The following PDE4D variants were observed in gnomAD, a reference collection of about 807,000 sequenced individuals.
The protein encoded by PDE4D is 3',5'-cyclic-AMP phosphodiesterase 4D.
In PDE4D, 24 loss-of-function variants were observed where a neutral mutation model predicts 87.4. That is an observed-to-expected ratio of 0.27 (90% CI 0.20 to 0.39). The LOEUF (loss-of-function observed/expected upper bound fraction) is 0.39, where lower values mean the gene tolerates loss of function less well. Ranked by LOEUF, PDE4D falls within the 10% of genes least tolerant of loss-of-function variation. The probability of loss-of-function intolerance (pLI) is 1.00; values close to 1 mark genes in which losing one functional copy is unlikely to be tolerated. For synonymous variants in PDE4D, 384 were observed against 383.2 expected, an observed-to-expected ratio of 1.00 and a Z score of -0.02; for missense variants, 714 against 1,041.0, an observed-to-expected ratio of 0.69 and a Z score of 4.32.
chr5:59,076,428 T>C (rs779369262), intron 5 of PDE4D, among the ~76,000 whole-genome samples: 3 of 152,166 alleles, frequency 2.0e-5, no homozygotes, highest in African/African-American at 4.8e-5. Flanking sequence ...TTATACTACG[T>C]GAAGTCTTCA....
Position 59,752,870 on chromosome 5 carries a change from T to C in PDE4D, c.455+140298A>G, listed in dbSNP as rs10073901. The stretch of plus-strand genomic sequence containing the variant: ...GTTGCAGAGATAGGTGCAGAACTGA[T>C]GACAGATGCTTAGATGCCATGTTAA... On this transcript the variant is annotated intron_variant, in intron 1 of 14. Coordinates refer to ENST00000340635, the MANE Select transcript of PDE4D (RefSeq NM_001104631.2). Among the ~76,000 whole-genome samples the C allele has an allele frequency of 4.9e-3, 752 of 152,276 alleles. 11 individuals carry two copies. Among genetic ancestry groups the C allele is most frequent in the African/African-American group, 0.017 (714 of 41,564 alleles).
At chr5:60,501,981 T>C (rs1750100609) in intron 1 of PDE4D, among the ~76,000 whole-genome samples, 1 of 152,200 alleles carries the variant, frequency 6.6e-6, no homozygotes, top group African/African-American at 2.4e-5. Flanking sequence ...TAGTTTCTTT[T>C]GCTGTGCAGA....
intron 1 of PDE4D, among the ~76,000 whole-genome samples, chr5:59,796,269 G>T (rs1766468148): frequency 6.6e-6 from 1 of 152,198 alleles, no homozygotes; most frequent in African/African-American, 2.4e-5. Flanking sequence ...AAACACAAAA[G>T]CCTGTAGAAA....
chr5:59,153,234 C>A (rs565657128), intron 5 of PDE4D, among the ~76,000 whole-genome samples: 1 of 151,968 alleles, frequency 6.6e-6, no homozygotes, highest in Non-Finnish European at 1.5e-5. Flanking sequence ...CCAGTAGCAG[C>A]GGGTGAAAGG....
At chr5:59,170,257 A>G (rs1782552061) in intron 5 of PDE4D, among the ~76,000 whole-genome samples, 1 of 152,144 alleles carries the variant, frequency 6.6e-6, no homozygotes, top group Admixed American at 6.5e-5. Flanking sequence ...GCCTCAAGCC[A>G]TCTTCCTCCC....
At chr5:60,078,317 A>G (rs374333038) in intron 2 of PDE4D, among the ~76,000 whole-genome samples, 3 of 152,284 alleles carry the variant, frequency 2.0e-5, no homozygotes, top group Non-Finnish European at 2.9e-5. Flanking sequence ...ATTTATCACT[A>G]TGAAATTCCC....
intron 1 of PDE4D, among the ~76,000 whole-genome samples, chr5:60,505,930 T>C (rs1157092906): frequency 6.6e-6 from 1 of 152,228 alleles, no homozygotes; most frequent in Non-Finnish European, 1.5e-5. Flanking sequence ...ATGCTGCCTG[T>C]CTCTAGCCCA....
intron 1 of PDE4D, among the ~76,000 whole-genome samples, chr5:59,509,439 G>T (rs1479380188): frequency 6.8e-6 from 1 of 147,390 alleles, no homozygotes; most frequent in Admixed American, 6.7e-5. Flanking sequence ...AAAAAAAAAT[G>T]CTGAGCAAAG....
chr5:59,127,019 C>T (rs1230759667), intron 5 of PDE4D, among the ~76,000 whole-genome samples: 2 of 152,172 alleles, frequency 1.3e-5, no homozygotes, highest in East Asian at 3.9e-4. Flanking sequence ...TCGTAACCTC[C>T]AAGACATTTT....
chr5:60,440,085 T>C (rs1745081684), intron 1 of PDE4D, among the ~76,000 whole-genome samples: 1 of 152,122 alleles, frequency 6.6e-6, no homozygotes, highest in South Asian at 2.1e-4. Context: ...TGCCAAGCTC[T>C]TTCCTACTTC....
At chr5:59,752,804 C>T (rs1456453860) in intron 1 of PDE4D, among the ~76,000 whole-genome samples, 4 of 152,024 alleles carry the variant, frequency 2.6e-5, no homozygotes, top group Admixed American at 6.6e-5. Flanking sequence ...GGCTTCAAAA[C>T]GAAGGATGTG....
intron 2 of PDE4D, among the ~76,000 whole-genome samples, chr5:59,200,087 G>GGA (rs1561688638): frequency 1.3e-5 from 2 of 149,808 alleles, no homozygotes; most frequent in Non-Finnish European, 1.5e-5. Context: ...ACACATACAT[G>GGA]TATGTAGACA....
chr5:59,312,458 C>T (rs1772885844), intron 1 of PDE4D, among the ~76,000 whole-genome samples: 1 of 152,142 alleles, frequency 6.6e-6, no homozygotes, highest in African/African-American at 2.4e-5. Context: ...GGGCCAGGAA[C>T]CATAGGCTCT....
intron 1 of PDE4D, among the ~76,000 whole-genome samples, chr5:59,798,495 C>A (rs542686029): frequency 2.6e-5 from 4 of 151,946 alleles, no homozygotes; most frequent in Admixed American, 1.3e-4. Flanking sequence ...GCAGGAGAGA[C>A]GTAAAGCACT....
chr5:60,197,275 G>T (rs1355144985), intron 1 of PDE4D, among the ~76,000 whole-genome samples: 3 of 151,430 alleles, frequency 2.0e-5, no homozygotes, highest in African/African-American at 7.3e-5. Flanking sequence ...TATTATCTCT[G>T]GGTAATTATG....
chr5:60,273,259 A>G (rs1186121857), intron 1 of PDE4D, among the ~76,000 whole-genome samples: 1 of 152,248 alleles, frequency 6.6e-6, no homozygotes, highest in African/African-American at 2.4e-5. Context: ...GCAAATAAAA[A>G]AAGAATAAGA....
intron 1 of PDE4D, among the ~76,000 whole-genome samples, chr5:60,361,854 A>C (rs1760106207): frequency 1.3e-5 from 2 of 152,200 alleles, no homozygotes; most frequent in South Asian, 4.2e-4. Flanking sequence ...TCACAGTCGC[A>C]CATCTTAGTC....
chr5:59,153,100 C>A (rs1233861785), intron 5 of PDE4D, among the ~76,000 whole-genome samples: 3 of 152,092 alleles, frequency 2.0e-5, no homozygotes, highest in African/African-American at 7.2e-5. Context: ...CCCCCACCAC[C>A]TCTCTCGACA....
rs189734804 is a variant in PDE4D, at chr5:60,461,346, G to A, written c.-90+26596C>T. 4.5e-3 allele frequency among the ~76,000 whole-genome samples: 678 copies of A among 152,198 alleles called. 7 individuals carry two copies. The highest frequency in any genetic ancestry group is 0.015 in the African/African-American group (626 of 41,530). ...GTGAAATTTACCTCCAGGACTATGC[G>A]GTGCACAATCTGCCTGCTGTGCACA... On this transcript the variant is annotated intron_variant, in intron 1 of 16. Transcript: ENST00000502484.
Sources: gnomAD v4.1 joint callset for allele counts (sites outside exome capture counted in the v4.1 genomes callset) on GRCh38, gnomAD v4.1.1 for gene constraint, MANE v1.5 for transcripts, NCBI Gene and HGNC (gene_info 2026-07-23, HGNC 2026-07-21) for gene names.